The following MGAT4C variants were observed in gnomAD, a reference collection of about 807,000 sequenced individuals.
MGAT4C encodes the protein alpha-1,3-mannosyl-glycoprotein 4-beta-N-acetylglucosaminyltransferase C.
In MGAT4C, 19 loss-of-function variants were observed where a neutral mutation model predicts 40.1. The ratio of observed to expected loss-of-function variants is 0.47; its 90% CI spans 0.33 to 0.70. MGAT4C has a LOEUF of 0.70. Among genes scored for constraint, MGAT4C ranks in the 30% least tolerant of loss-of-function variants. The pLI is 0.02. For synonymous variants in MGAT4C, 181 were observed against 187.1 expected (o/e 0.97, Z 0.27); for missense variants, 491 against 563.2 (o/e 0.87, Z 1.30).
intron 1 of MGAT4C, among the ~76,000 whole-genome samples, chr12:86,778,288 A>G (rs1951777465): frequency 6.6e-6 from 1 of 152,160 alleles, no homozygotes; most frequent in Non-Finnish European, 1.5e-5. Context: ...AAACTGAGAT[A>G]ACAAAAAAGG....
chr12:86,683,125 C>A (rs1426494684), intron 2 of MGAT4C, among the ~76,000 whole-genome samples: 2 of 152,064 alleles, frequency 1.3e-5, no homozygotes, highest in Non-Finnish European at 2.9e-5. Flanking sequence ...CATATGATAT[C>A]CCTGTGCCTC....
At chr12:86,510,605 G>T (rs1041482464) in intron 2 of MGAT4C, among the ~76,000 whole-genome samples, 2 of 152,114 alleles carry the variant, frequency 1.3e-5, no homozygotes, top group Non-Finnish European at 2.9e-5. Context: ...CATCTCACAT[G>T]CAGAGACAAA....
intron 2 of MGAT4C, among the ~76,000 whole-genome samples, chr12:86,607,177 T>TA (rs1962071840): frequency 6.6e-6 from 1 of 152,004 alleles, no homozygotes; most frequent in Non-Finnish European, 1.5e-5. Context: ...TTCTAGAAAG[T>TA]AAAAAACACT....
intron 1 of MGAT4C, among the ~76,000 whole-genome samples, chr12:86,219,184 A>G (rs1252672625): frequency 1.3e-5 from 2 of 152,028 alleles, no homozygotes; most frequent in African/African-American, 4.8e-5. Context: ...ATCTCAAAAA[A>G]AGAAAAAAAG....
chr12:86,570,525 T>C (rs1960318114), intron 2 of MGAT4C, among the ~76,000 whole-genome samples: 1 of 151,908 alleles, frequency 6.6e-6, no homozygotes, highest in Non-Finnish European at 1.5e-5. Flanking sequence ...AAAATTAAAC[T>C]AAAAAAGCGC....
chr12:86,425,839 T>G (rs983274802), intron 3 of MGAT4C, among the ~76,000 whole-genome samples: 1 of 152,196 alleles, frequency 6.6e-6, no homozygotes, highest in Non-Finnish European at 1.5e-5. Context: ...AATTTACATT[T>G]GTATAACTAA....
intron 3 of MGAT4C, among the ~76,000 whole-genome samples, chr12:86,336,638 C>T (rs751856671): frequency 1.3e-5 from 2 of 152,118 alleles, no homozygotes; most frequent in Non-Finnish European, 2.9e-5. Flanking sequence ...CCAGTCACTT[C>T]ATGGTATTAT....
chr12:86,280,432 T>C (rs1046918631), intron 4 of MGAT4C, among the ~76,000 whole-genome samples: 1 of 151,974 alleles, frequency 6.6e-6, no homozygotes, highest in African/African-American at 2.4e-5. Context: ...AAAAGGTAAC[T>C]ATTTGAAAAA....
intron 1 of MGAT4C, among the ~76,000 whole-genome samples, chr12:86,148,204 A>C (rs1467625622): frequency 6.6e-6 from 1 of 152,172 alleles, no homozygotes; most frequent in Non-Finnish European, 1.5e-5. Context: ...TAGAGAGTGA[A>C]AGGAGAGAAC....
intron 1 of MGAT4C, among the ~76,000 whole-genome samples, chr12:86,084,305 T>C (rs942528957): frequency 9.2e-5 from 14 of 151,964 alleles, no homozygotes; most frequent in African/African-American, 3.4e-4. Flanking sequence ...GGAAATGAAG[T>C]GTGAAATTAA....
chr12:86,535,566 C>G (rs977029522), intron 2 of MGAT4C, among the ~76,000 whole-genome samples: 23 of 152,048 alleles, frequency 1.5e-4, no homozygotes, highest in African/African-American at 5.5e-4. Flanking sequence ...GACAGCATAA[C>G]AGCTAAGGTA....
chr12:86,490,639 A>C (rs1295478232), intron 2 of MGAT4C, among the ~76,000 whole-genome samples: 1 of 152,170 alleles, frequency 6.6e-6, no homozygotes, highest in Non-Finnish European at 1.5e-5. Flanking sequence ...AAATTGGATA[A>C]AGAGTCAAAA....
intron 3 of MGAT4C, among the ~76,000 whole-genome samples, chr12:86,364,694 A>G (rs746457057): frequency 2.0e-5 from 3 of 152,118 alleles, no homozygotes; most frequent in Non-Finnish European, 4.4e-5. Flanking sequence ...GAGAAATTTT[A>G]AAGCTGGGTG....
At chr12:86,185,075 A>T (rs1260775407) in intron 1 of MGAT4C, among the ~76,000 whole-genome samples, 1 of 152,130 alleles carries the variant, frequency 6.6e-6, no homozygotes, top group East Asian at 1.9e-4. Context: ...TGGAACACTC[A>T]TTCTAATTTA....
chr12:86,758,814 C>T (rs941644388), intron 1 of MGAT4C, among the ~76,000 whole-genome samples: 5 of 152,142 alleles, frequency 3.3e-5, no homozygotes, highest in Non-Finnish European at 5.9e-5. Flanking sequence ...TTTTGATACA[C>T]GGATGCATTG....
At chr12:86,427,882 TGGTGGCA>T (rs1048176720) in intron 3 of MGAT4C, among the ~76,000 whole-genome samples, 1 of 151,970 alleles carries the variant, frequency 6.6e-6, no homozygotes, top group Admixed American at 6.6e-5. Flanking sequence ...TAGCTCAGCT[TGGTGGCA>T]GGTGCCTGTA....
At chr12:86,493,956 T>TC (rs1491415505) in intron 2 of MGAT4C, among the ~76,000 whole-genome samples, 23 of 152,118 alleles carry the variant, frequency 1.5e-4, no homozygotes, top group African/African-American at 5.5e-4. Context: ...TTTCTCTCTC[T>TC]TTTTTTAAGT....
At chr12:86,386,617 G>T (rs572001605) in intron 3 of MGAT4C, among the ~76,000 whole-genome samples, 1 of 152,216 alleles carries the variant, frequency 6.6e-6, no homozygotes, top group South Asian at 2.1e-4. Context: ...CATTATTTCT[G>T]CCTATTTCAA....
chr12:86,419,373 G>C (rs138911679), intron 3 of MGAT4C, among the ~76,000 whole-genome samples: 6 of 151,320 alleles, frequency 4.0e-5, no homozygotes, highest in African/African-American at 7.3e-5. Context: ...GCCTCTTTGA[G>C]ATATACATAC....
Sources: allele counts gnomAD v4.1 joint callset (sites outside exome capture counted in the v4.1 genomes callset), GRCh38; gene constraint gnomAD v4.1.1; transcripts MANE v1.5; gene names NCBI Gene and HGNC (gene_info 2026-07-23, HGNC 2026-07-21).